Variants in FRMD4A observed in about 807,000 individuals in gnomAD.
The protein encoded by FRMD4A is FERM domain containing 4A.
In FRMD4A, 29 loss-of-function variants were observed where a neutral mutation model predicts 129.1. The observed-to-expected ratio is 0.22, with a 90% CI of 0.17 to 0.31. FRMD4A has a LOEUF of 0.31. FRMD4A is among the 10% of genes least tolerant of loss of function. The pLI is 1.00. For synonymous variants in FRMD4A, 634 were observed against 571.6 expected (o/e 1.11, Z -1.56); for missense variants, 1,272 against 1,375.8 (o/e 0.92, Z 1.19).
intron 2 of FRMD4A, among the ~76,000 whole-genome samples, chr10:14,234,724 G>A (rs926838155): frequency 1.1e-4 from 17 of 152,196 alleles, no homozygotes; most frequent in Admixed American, 2.6e-4. Flanking sequence ...CAATTCTCCC[G>A]TATTAGGATG....
At chr10:13,790,448 C>A (rs1207647655) in intron 5 of FRMD4A, among the ~76,000 whole-genome samples, 2 of 152,052 alleles carry the variant, frequency 1.3e-5, no homozygotes, top group African/African-American at 4.8e-5. Flanking sequence ...GGGGAAGGTG[C>A]AGGGAGAGAA....
chr10:13,691,481 G>A (rs185602241), intron 15 of FRMD4A, among the ~76,000 whole-genome samples: 217 of 152,232 alleles, frequency 1.4e-3, no homozygotes, highest in African/African-American at 5.0e-3. Context: ...GGTTCTATGA[G>A]CCTGGGCAAC....
chr10:13,967,036 G>T (rs2095489302), intron 2 of FRMD4A, among the ~76,000 whole-genome samples: 1 of 152,208 alleles, frequency 6.6e-6, no homozygotes, highest in African/African-American at 2.4e-5. Flanking sequence ...AGGATGCACA[G>T]GCGTAAGAAT....
intron 2 of FRMD4A, among the ~76,000 whole-genome samples, chr10:14,094,785 G>GC (rs1451988276): frequency 2.0e-5 from 3 of 152,192 alleles, no homozygotes; most frequent in Non-Finnish European, 2.9e-5. Flanking sequence ...TACCTCTGCA[G>GC]CCCCCCAGAA....
chr10:14,214,523 C>T (rs1327573517), intron 2 of FRMD4A, among the ~76,000 whole-genome samples: 7 of 152,148 alleles, frequency 4.6e-5, no homozygotes, highest in Admixed American at 6.5e-5. Flanking sequence ...CATTTGAACC[C>T]AAAATATTTA....
chr10:14,240,978 A>G (rs1844021886), intron 2 of FRMD4A, among the ~76,000 whole-genome samples: 2 of 151,952 alleles, frequency 1.3e-5, no homozygotes, highest in Admixed American at 6.6e-5. Flanking sequence ...CAGGCTGCAA[A>G]TGTCTGCATT....
At chr10:13,942,876 T>C (rs2095303683) in intron 2 of FRMD4A, among the ~76,000 whole-genome samples, 1 of 151,790 alleles carries the variant, frequency 6.6e-6, no homozygotes, top group South Asian at 2.1e-4. Flanking sequence ...GAGGTTTCAG[T>C]GAGCCGAGAT....
At chr10:13,776,017 G>A (rs1430119030) in intron 6 of FRMD4A, among the ~76,000 whole-genome samples, 3 of 152,230 alleles carry the variant, frequency 2.0e-5, no homozygotes, top group Admixed American at 6.5e-5. Flanking sequence ...TTATGACTAC[G>A]GCTTTAAGCC....
chr10:13,666,458 C>G (rs2083044276), intron 17 of FRMD4A, 133 bp from the exon 18 acceptor site: 2 of 639,110 alleles, frequency 3.1e-6, no homozygotes, highest in African/African-American at 1.8e-5. Context: ...CTCCTAAAAT[C>G]TGCACCCACT....
At chr10:14,045,819 A>T (rs892579566) in intron 2 of FRMD4A, among the ~76,000 whole-genome samples, 14 of 146,092 alleles carry the variant, frequency 9.6e-5, no homozygotes, top group Non-Finnish European at 1.5e-4. Context: ...ATAGATATGT[A>T]TTATATATAA....
Position 13,777,791 on chromosome 10 carries a change from ATTTTTTT to A in FRMD4A, c.384+5124_384+5130del, listed in dbSNP as rs34059772. Among the ~76,000 whole-genome samples the A allele has an allele frequency of 7.0e-3, 604 of 85,994 alleles. 6 individuals are homozygous for A. The highest frequency in any genetic ancestry group is 0.024 in the African/African-American group (546 of 22,480). 56.4% of individuals were successfully genotyped at this position (85,994 alleles called of 152,430 possible). ...GTCTGCCCAAGTAGGCTTTGGGTCAATTTTTTTTTTTTTTTTTTTTTTTTTGAGACGG... is the reference window on the plus strand; with the variant it reads ...GTCTGCCCAAGTAGGCTTTGGGTCAATTTTTTTTTTTTTTTTTTGAGACGG... On this transcript the variant is annotated intron_variant, in intron 6 of 24. Transcript: ENST00000357447.
chr10:14,236,782 G>A (rs990346334), intron 2 of FRMD4A, among the ~76,000 whole-genome samples: 3 of 152,154 alleles, frequency 2.0e-5, no homozygotes, highest in East Asian at 3.9e-4. Flanking sequence ...CCAACAACGC[G>A]CAAACATCCA....
chr10:14,223,389 CA>C (rs1843325795), intron 2 of FRMD4A, among the ~76,000 whole-genome samples: 1 of 152,148 alleles, frequency 6.6e-6, no homozygotes, highest in Admixed American at 6.5e-5. Context: ...CTCTAGAAGG[CA>C]ACAGACTACA....
chr10:13,650,427 T>C (rs1393580462), intron 24 of FRMD4A, among the ~76,000 whole-genome samples: 1 of 150,176 alleles, frequency 6.7e-6, no homozygotes, highest in Non-Finnish European at 1.5e-5. Context: ...AACTCGTGTA[T>C]GTATTCGTGT....
At chr10:14,107,129 T>TG (rs1215356673) in intron 2 of FRMD4A, among the ~76,000 whole-genome samples, 4 of 152,108 alleles carry the variant, frequency 2.6e-5, no homozygotes, top group Non-Finnish European at 5.9e-5. Context: ...TGTTCTCACT[T>TG]CTAAGTGGGA....
At chr10:14,030,904 G>A (rs553849727) in intron 2 of FRMD4A, among the ~76,000 whole-genome samples, 5 of 152,228 alleles carry the variant, frequency 3.3e-5, no homozygotes, top group East Asian at 1.9e-4. Flanking sequence ...CAGCCCCACC[G>A]CAGTCCCTGG....
chr10:13,945,032 C>A (rs2095321713), intron 2 of FRMD4A, among the ~76,000 whole-genome samples: 1 of 152,178 alleles, frequency 6.6e-6, no homozygotes, highest in Admixed American at 6.5e-5. Flanking sequence ...CCAGTGATCG[C>A]CCCTCCGGTC....
chr10:14,042,444 C>T (rs186744050), intron 2 of FRMD4A, among the ~76,000 whole-genome samples: 1 of 152,330 alleles, frequency 6.6e-6, no homozygotes, highest in East Asian at 1.9e-4. Context: ...ATAAATAACG[C>T]TGGCTCCTTT....
At chr10:14,190,474 C>A (rs1004935067) in intron 2 of FRMD4A, among the ~76,000 whole-genome samples, 2 of 152,292 alleles carry the variant, frequency 1.3e-5, no homozygotes, top group African/African-American at 4.8e-5. Context: ...AAGGCTCTAG[C>A]GATCCTGCCT....
Sources: allele counts gnomAD v4.1 joint callset (sites outside exome capture counted in the v4.1 genomes callset), GRCh38; gene constraint gnomAD v4.1.1; transcripts MANE v1.5; gene names NCBI Gene and HGNC (gene_info 2026-07-23, HGNC 2026-07-21).